The following PHAF1 variants were observed in gnomAD, a reference collection of about 807,000 sequenced individuals.
PHAF1 encodes the protein phagosome assembly factor 1.
In PHAF1, 23 loss-of-function variants were observed where a neutral mutation model predicts 63.1. The observed-to-expected ratio is 0.36, with a 90% CI of 0.26 to 0.52. PHAF1 has a LOEUF of 0.52. Among genes scored for constraint, PHAF1 ranks in the 20% least tolerant of loss-of-function variants. The pLI is 0.93. For missense variants in PHAF1, 427 were observed against 517.2 expected (o/e 0.83, Z 1.69); for synonymous variants, 167 against 185.0 (o/e 0.90, Z 0.79).
In PHAF1 at chr16:67,147,094, G is replaced by A. The variant is rs141965414; in HGVS notation, c.1232G>A (p.Arg411Lys). 7 of 1,614,004 alleles carry A rather than the reference G, an allele frequency of 4.3e-6. No individual in the cohort carries two copies. Among genetic ancestry groups the A allele is most frequent in the Non-Finnish European group, 4.2e-6 (5 of 1,179,962 alleles). Reference protein sequence around the residue: ...IASVTLYGPPRPGSHLRTAEL... With the variant: ...IASVTLYGPPKPGSHLRTAEL... ...TCGGTGACCCTGTATGGCCCCCCCA[G>A]GCCTGGTAGCCACCTGAGAACAGCG... Residue 411 changes from arginine (R) to lysine (K), a missense_variant, in exon 16 of 16, where the codon AGG becomes AAG. By Grantham distance (26) the Arg-to-Lys change is conservative. Transcript: ENST00000219139.
chr16:67,118,977 A>G (rs1962867651), intron 1 of PHAF1, among the ~76,000 whole-genome samples: 1 of 151,768 alleles, frequency 6.6e-6, no homozygotes, highest in Non-Finnish European at 1.5e-5. Context: ...GGATCTTACT[A>G]TATTCCCAGG....
In PHAF1 at chr16:67,145,369, T is replaced by C. The variant is rs375264297; in HGVS notation, c.1007-7T>C. On this transcript the variant is annotated splice_polypyrimidine_tract_variant and splice_region_variant and intron_variant, in intron 12 of 15. Coordinates refer to ENST00000219139, the MANE Select transcript of PHAF1 (RefSeq NM_025187.5). ...TACAAATCTGCCCCACTGTCTTCTCTTTTCAGAAAACGCAGATGGTCAGAC... is the reference window on the plus strand; with the variant it reads ...TACAAATCTGCCCCACTGTCTTCTCCTTTCAGAAAACGCAGATGGTCAGAC... 1.2e-6 allele frequency: 2 copies of C among 1,614,012 alleles called. No homozygotes were observed. The highest frequency in any genetic ancestry group is 2.7e-5 in the African/African-American group (2 of 74,922).
intron 3 of PHAF1, among the ~76,000 whole-genome samples, chr16:67,127,780 A>G (rs1325453427): frequency 6.6e-6 from 1 of 151,944 alleles, no homozygotes; most frequent in African/African-American, 2.4e-5. Flanking sequence ...TGGGCAACAG[A>G]GCAAGACTCC....
chr16:67,133,868 C>T (rs1276980751), intron 6 of PHAF1, among the ~76,000 whole-genome samples: 1 of 151,760 alleles, frequency 6.6e-6, no homozygotes, highest in Non-Finnish European at 1.5e-5. Flanking sequence ...TCACTTGAAC[C>T]TGGGAGGTGG....
At chr16:67,123,587 TGTAGAGACAGG>T (rs1186324847) in intron 2 of PHAF1, among the ~76,000 whole-genome samples, 9 of 152,066 alleles carry the variant, frequency 5.9e-5, no homozygotes, top group Admixed American at 2.0e-4. Flanking sequence ...AAAATTTTTT[TGTAGAGACAGG>T]GTCTCATTAT....
At chr16:67,122,668 A>G (rs1262468860) in intron 2 of PHAF1, among the ~76,000 whole-genome samples, 1 of 152,094 alleles carries the variant, frequency 6.6e-6, no homozygotes, top group Admixed American at 6.6e-5. Context: ...GCATATTAAT[A>G]AGTAATCTGG....
At chr16:67,142,887 T>C (rs1346220322) in intron 10 of PHAF1, among the ~76,000 whole-genome samples, 1 of 152,194 alleles carries the variant, frequency 6.6e-6, no homozygotes, top group African/African-American at 2.4e-5. Flanking sequence ...CCAGTCGGCA[T>C]CCTTGCAGCG....
At position 67,112,409 on chromosome 16, in the gene PHAF1, G is replaced by A. The variant is rs890536954; in HGVS notation, c.64+2170G>A. ...AAAAAAAAAAAAAAAAAAAAGCCAG[G>A]CCTGTAGTCTTAACTACTCGGGAGG... On this transcript the variant is annotated intron_variant, in intron 1 of 15. Coordinates refer to ENST00000219139, the MANE Select transcript of PHAF1 (RefSeq NM_025187.5). Among the ~76,000 whole-genome samples the A allele has an allele frequency of 3.3e-5, 5 of 150,096 alleles. No homozygotes were observed. The South Asian group carries it at 1.1e-3, about 32-fold the overall frequency.
chr16:67,146,416 A>G (rs2030078722), intron 15 of PHAF1, 66 bp downstream of exon 15: 3 of 1,500,932 alleles, frequency 2.0e-6, no homozygotes, highest in Non-Finnish European at 2.8e-6. Flanking sequence ...GGCCAGGTGA[A>G]TGATGGAGGG....
chr16:67,140,040 T>C lies in PHAF1; in HGVS notation c.718T>C (p.Tyr240His). ...GATGCGGGTATTTGAACGTTCAGTG[T>C]ATTTTGGTGATTCCTGCCAAGATGT... is the stretch of plus-strand genomic sequence containing the variant. ...AKMRVFERSVYFGDSCQDVLS... is the reference protein window; with the variant it reads ...AKMRVFERSVHFGDSCQDVLS... The change falls in exon 9 of 16, where the codon TAT (tyrosine) becomes CAT (histidine). Residue 240 changes from tyrosine to histidine, a missense_variant. Coordinates refer to ENST00000219139, the MANE Select transcript of PHAF1 (RefSeq NM_025187.5). 6.2e-7 allele frequency: 1 copy of C among 1,614,196 alleles called. No individual in the cohort carries two copies. The highest frequency in any genetic ancestry group is 8.5e-7 in the Non-Finnish European group (1 of 1,180,026).
At chr16:67,142,739 A>G (rs1444761781) in intron 10 of PHAF1, among the ~76,000 whole-genome samples, 2 of 152,030 alleles carry the variant, frequency 1.3e-5, no homozygotes, top group Non-Finnish European at 2.9e-5. Context: ...TGCAGCTGGG[A>G]GGCTGCAGCT....
chr16:67,116,664 A>G (rs1962744839), intron 1 of PHAF1, among the ~76,000 whole-genome samples: 1 of 152,212 alleles, frequency 6.6e-6, no homozygotes, highest in Non-Finnish European at 1.5e-5. Flanking sequence ...AGTCTGGGCA[A>G]CACAGTGAGA....
chr16:67,114,772 A>G (rs1463138433), intron 1 of PHAF1, among the ~76,000 whole-genome samples: 1 of 152,164 alleles, frequency 6.6e-6, no homozygotes, highest in African/African-American at 2.4e-5. Flanking sequence ...AAGGATATGT[A>G]TTAGTGAAGT....
At chr16:67,110,734 C>T (rs1328700964) in intron 1 of PHAF1, among the ~76,000 whole-genome samples, 1 of 152,190 alleles carries the variant, frequency 6.6e-6, no homozygotes, top group East Asian at 1.9e-4. Context: ...GGCTTGGAAC[C>T]CATGATCAGA....
Position 67,147,230 on chromosome 16 carries a change from C to A in PHAF1, c.*99C>A. The A allele has an allele frequency of 8.4e-7, 1 of 1,195,734 alleles. No homozygotes were observed. The highest frequency in any genetic ancestry group is 1.2e-6 in the Non-Finnish European group (1 of 817,704). The allele number at this position is 1,195,734 out of a possible 1,614,324, so 74.1% of individuals were successfully genotyped here. On this transcript the variant is annotated 3_prime_UTR_variant, in exon 16 of 16. Coordinates refer to ENST00000219139, the MANE Select transcript of PHAF1 (RefSeq NM_025187.5). ...CCTGTGGGTTTTCTTGGACACCTGG[C>A]CAGTGCTGAAGGGCTGTTGTGATGT... is the stretch of plus-strand genomic sequence containing the variant.
At chr16:67,145,231 C>A in intron 12 of PHAF1, 145 bp from the exon 13 acceptor site, 2 of 902,250 alleles carry the variant, frequency 2.2e-6, no homozygotes, top group Non-Finnish European at 1.7e-6. Flanking sequence ...CCTCTTCCAC[C>A]CTGGAACTCC....
chr16:67,120,433 A>G (rs1648552803), intron 2 of PHAF1, among the ~76,000 whole-genome samples: 1 of 151,906 alleles, frequency 6.6e-6, no homozygotes, highest in Admixed American at 6.6e-5. Flanking sequence ...TCTGTGCTCA[A>G]CTTGCCTACA....
intron 2 of PHAF1, among the ~76,000 whole-genome samples, chr16:67,120,512 A>C (rs1597189048): frequency 6.6e-6 from 1 of 151,444 alleles, no homozygotes; most frequent in African/African-American, 2.4e-5. Flanking sequence ...TAGAGTGCTT[A>C]CCTTCCACTT....
intron 8 of PHAF1, among the ~76,000 whole-genome samples, chr16:67,136,938 C>T (rs531108852): frequency 2.6e-5 from 4 of 152,176 alleles, no homozygotes; most frequent in East Asian, 1.9e-4. Context: ...GGGCGGATCA[C>T]GAGGTCAGGA....
Sources: allele counts gnomAD v4.1 joint callset (sites outside exome capture counted in the v4.1 genomes callset), GRCh38; gene constraint gnomAD v4.1.1; transcripts MANE v1.5; gene names NCBI Gene and HGNC (gene_info 2026-07-23, HGNC 2026-07-21).